SLC6A16: variants seen among roughly 807,000 people sequenced by gnomAD.
The protein encoded by SLC6A16 is orphan sodium- and chloride-dependent neurotransmitter transporter NTT5.
A neutral mutation model predicts 65.4 loss-of-function variants in SLC6A16; 54 were observed. That is an observed-to-expected ratio of 0.83 (90% CI 0.66 to 1.04). The LOEUF is 1.04. SLC6A16 is among the 50% of genes least tolerant of loss of function. The probability of loss-of-function intolerance (pLI) is 0.00; values close to 1 mark genes in which losing one functional copy is unlikely to be tolerated. For synonymous variants in SLC6A16, 330 were observed against 346.5 expected (o/e 0.95, Z 0.53); for missense variants, 816 against 914.0 (o/e 0.89, Z 1.38).
Position 49,311,352 on chromosome 19 carries a change from C to T in SLC6A16, c.-5G>A, listed in dbSNP as rs574654529. 1.9e-6 allele frequency: 3 copies of T among 1,565,052 alleles called. No individual in the cohort carries two copies. Among genetic ancestry groups the T allele is most frequent in the East Asian group, 2.2e-5 (1 of 44,514 alleles). The stretch of plus-strand genomic sequence containing the variant: ...AGGCTGGGCCTCTGTCTTCATCTCA[C>T]ACAGACTCTCTGGGGCAGCTCCCGC... On this transcript the variant is annotated 5_prime_UTR_variant, in exon 2 of 12. The change creates a new upstream start codon in the 5' untranslated region. Coordinates refer to ENST00000335875, the MANE Select transcript of SLC6A16 (RefSeq NM_014037.3).
In SLC6A16 at chr19:49,294,469, T is replaced by G; in HGVS notation, c.1314A>C (p.Pro438=). The change falls in exon 8 of 12, where the codon CCA becomes CCC. Residue 438 remains proline, a synonymous_variant. Transcript: ENST00000335875. ...TGAGCCAGGCATTGTAGATGGAGGTTGGGTTGTAAAGCAGGTTGACAGGGG... is the reference window on the plus strand; with the variant it reads ...TGAGCCAGGCATTGTAGATGGAGGTGGGGTTGTAAAGCAGGTTGACAGGGG... ...AKPPVNLLYN[P]TSIYNAWLSG... 1 of 1,613,858 alleles carries G rather than the reference T, an allele frequency of 6.2e-7. No homozygotes were observed.
Position 49,293,984 on chromosome 19 carries a change from G to A in SLC6A16, c.1461C>T (p.Ala487=), listed in dbSNP as rs56671453. The change falls in exon 9 of 12, where the codon GCC becomes GCT. Residue 487 remains alanine, a synonymous_variant. Coordinates refer to ENST00000335875, the MANE Select transcript of SLC6A16 (RefSeq NM_014037.3). ...PKFAFLSFVE[A]MSFLPPSVFW... ...AGACAGACGGAGGAAGGAAGGACAT[G>A]GCTTCAACAAAGGACAGGAATGCAA... is the stretch of plus-strand genomic sequence containing the variant. The A allele has an allele frequency of 7.1e-3, 11,521 of 1,613,428 alleles. 686 individuals carry two copies. The African/African-American group carries it at 0.13, about 18-fold the overall frequency.
At chr19:49,339,764 T>G in the SLC6A16 span, 1 of 1,382,758 alleles carries the variant, frequency 7.2e-7, no homozygotes, top group Non-Finnish European at 9.3e-7. The surrounding 1 kb of genome is among the most constrained non-coding windows in gnomAD (Gnocchi z 4.5). Flanking sequence ...CCCAGCCTGA[T>G]CGCTGACGGC....
Position 49,293,965 on chromosome 19 carries a change from A to G in SLC6A16, c.1480T>C (p.Ser494Pro), listed in dbSNP as rs754658869. The part of the protein sequence containing the change: ...FVEAMSFLPP[S>P]VFWSFIFFLM... ...AAGAAGATAAAAGACCAGAAGACAG[A>G]CGGAGGAAGGAAGGACATGGCTTCA... Residue 494 changes from serine to proline, a missense_variant, in exon 9 of 12, where the codon TCT becomes CCT. Physicochemically the swap from Ser to Pro is moderately conservative, Grantham distance 74 (BLOSUM62 -1). Coordinates refer to ENST00000335875, the MANE Select transcript of SLC6A16 (RefSeq NM_014037.3). The G allele has an allele frequency of 1.2e-6, 2 of 1,613,890 alleles. No individual in the cohort carries two copies. The highest frequency in any genetic ancestry group is 2.2e-5 in the East Asian group (1 of 44,882).
chr19:49,309,268 G>C (rs201923946), intron 6 of SLC6A16, 33 bp downstream of exon 6: 4 of 1,584,100 alleles, frequency 2.5e-6, no homozygotes. Context: ...TGCCCTACAA[G>C]GCCTGACGGG....
rs780024024 is a variant in SLC6A16 at position 49,311,230 on chromosome 19, G to A, written c.118C>T (p.Arg40Trp). 19 of 1,613,954 alleles carry A rather than the reference G, an allele frequency of 1.2e-5. No individual in the cohort carries two copies. The highest frequency in any genetic ancestry group is 1.5e-5 in the Non-Finnish European group (18 of 1,180,012). Reference sequence around the variant, plus strand: ...TCTGAGGTCCAAGATGTTGCAGACCGGGTCAATGAACCCTTGTCTTCCCAC... The same window carrying A: ...TCTGAGGTCCAAGATGTTGCAGACCAGGTCAATGAACCCTTGTCTTCCCAC... ...QTWEDKGSLTRSATSWTSEAQ... is the reference protein window; with the variant it reads ...QTWEDKGSLTWSATSWTSEAQ... The change falls in exon 2 of 12, where the codon CGG (arginine) becomes TGG (tryptophan). Residue 40 changes from arginine (R) to tryptophan (W), a missense_variant. By Grantham distance (101) the Arg-to-Trp change is moderately radical. Transcript: ENST00000335875.
rs753418415 is a variant in SLC6A16 at position 49,294,414 on chromosome 19, C to G, written c.1369G>C (p.Val457Leu). The G allele has an allele frequency of 1.2e-6, 2 of 1,614,118 alleles. No homozygotes were observed. The highest frequency in any genetic ancestry group is 1.7e-6 in the Non-Finnish European group (2 of 1,180,022). Residue 457 changes from valine (V) to leucine (L), a missense_variant, in exon 8 of 12, where the codon GTT becomes CTT. By Grantham distance (32) the Val-to-Leu change is conservative. Transcript: ENST00000335875. ...TTGCACTCAGTCACCTCGCGGAGAACCATGCTTTTGATGTGCTGGGGAAGG... is the reference window on the plus strand; with the variant it reads ...TTGCACTCAGTCACCTCGCGGAGAAGCATGCTTTTGATGTGCTGGGGAAGG... ...SGLPQHIKSM[V>L]LREVTECNIE...
At chr19:49,303,215 G>T (rs1970320411) in intron 7 of SLC6A16, among the ~76,000 whole-genome samples, 1 of 152,114 alleles carries the variant, frequency 6.6e-6, no homozygotes, top group Non-Finnish European at 1.5e-5. Context: ...TCTGAAAGCA[G>T]AAAGAGAAAA....
intron 7 of SLC6A16, among the ~76,000 whole-genome samples, chr19:49,305,267 C>T (rs1159869408): frequency 6.6e-6 from 1 of 152,164 alleles, no homozygotes; most frequent in Non-Finnish European, 1.5e-5. Context: ...TGACTACAAA[C>T]AGGAGTGAAC....
At chr19:49,335,082 C>T in the SLC6A16 span, 1 of 162,396 alleles carries the variant, frequency 6.2e-6, no homozygotes, top group Non-Finnish European at 1.4e-5. This position sits in a 1 kb window ranked among gnomAD's most constrained non-coding sequence, Gnocchi z 4.6. Flanking sequence ...GGAGACACAG[C>T]TGGATGCAGA....
At chr19:49,317,800 C>T (rs1216441873) in intron 1 of SLC6A16, among the ~76,000 whole-genome samples, 9 of 150,908 alleles carry the variant, frequency 6.0e-5, no homozygotes, top group Non-Finnish European at 8.8e-5. Flanking sequence ...AGCGAGACTC[C>T]GTCTCAAAAA....
chr19:49,313,021 T>A (rs1970550309), intron 1 of SLC6A16, among the ~76,000 whole-genome samples: 1 of 137,066 alleles, frequency 7.3e-6, no homozygotes, highest in Non-Finnish European at 1.5e-5. Context: ...AGGCGGAGGT[T>A]GCAATGAGCC....
chr19:49,301,204 C>T (rs1172863964), intron 7 of SLC6A16, among the ~76,000 whole-genome samples: 1 of 152,180 alleles, frequency 6.6e-6, no homozygotes, highest in Non-Finnish European at 1.5e-5. Flanking sequence ...CCCCATCCCC[C>T]GAGCCAGCAC....
chr19:49,314,455 T>C (rs1430479814), intron 1 of SLC6A16, among the ~76,000 whole-genome samples: 1 of 152,170 alleles, frequency 6.6e-6, no homozygotes, highest in Admixed American at 6.5e-5. Flanking sequence ...CAATCATCCC[T>C]CAATAAATAT....
chr19:49,315,386 A>G (rs960940317), intron 1 of SLC6A16, among the ~76,000 whole-genome samples: 3 of 152,198 alleles, frequency 2.0e-5, no homozygotes, highest in Non-Finnish European at 4.4e-5. Context: ...TATTGGAGTT[A>G]TTGGTGGGTT....
At chr19:49,326,598 A>C (rs1970800197), upstream of SLC6A16, among the ~76,000 whole-genome samples, 1 of 152,208 alleles carries the variant, frequency 6.6e-6, no homozygotes, top group African/African-American at 2.4e-5. Context: ...GAGTCTACTA[A>C]ATGCTAGGAA....
chr19:49,326,412 T>C (rs2146190339), upstream of SLC6A16, among the ~76,000 whole-genome samples: 1 of 152,260 alleles, frequency 6.6e-6, no homozygotes, highest in Non-Finnish European at 1.5e-5. Flanking sequence ...AATGTTCACC[T>C]CATGGACCCC....
chr19:49,336,817 C>T, the SLC6A16 span: 1 of 1,399,990 alleles, frequency 7.1e-7, no homozygotes, highest in African/African-American at 1.4e-5. Context: ...CACCAAGATA[C>T]TGCTCCCCAC....
intron 1 of SLC6A16, among the ~76,000 whole-genome samples, chr19:49,313,149 T>C (rs934699281): frequency 6.6e-6 from 1 of 151,840 alleles, no homozygotes; most frequent in Admixed American, 6.6e-5. Context: ...TTACATTAAA[T>C]TTTTTAAAAT....
Sources: gnomAD v4.1 joint callset for allele counts (sites outside exome capture counted in the v4.1 genomes callset) on GRCh38, gnomAD v4.1.1 for gene constraint, Gnocchi (gnomAD v3.1) non-coding constraint, MANE v1.5 for transcripts, NCBI Gene and HGNC (gene_info 2026-07-23, HGNC 2026-07-21) for gene names.